SCLT1: variants seen among roughly 807,000 people sequenced by gnomAD.
SCLT1 encodes the protein sodium channel-associated protein 1.
Under a neutral mutation model 112.8 loss-of-function variants are expected in SCLT1, and 78 were observed. The ratio of observed to expected loss-of-function variants is 0.69; its 90% CI spans 0.58 to 0.83. The LOEUF (loss-of-function observed/expected upper bound fraction) is 0.83. SCLT1 is among the 40% of genes least tolerant of loss of function. The probability of loss-of-function intolerance (pLI) is 0.00; values close to 1 mark genes in which losing one functional copy is unlikely to be tolerated. For synonymous variants in SCLT1, 257 were observed against 254.7 expected (o/e 1.01, Z -0.09); for missense variants, 747 against 770.4 (o/e 0.97, Z 0.36).
At position 129,043,992 on chromosome 4, in the gene SCLT1, C is replaced by T. The variant is rs1747945684; in HGVS notation, c.161+1G>A. 2 of 1,453,836 alleles carry T rather than the reference C, an allele frequency of 1.4e-6. No individual in the cohort carries two copies. Among genetic ancestry groups the T allele is most frequent in the Non-Finnish European group, 1.9e-6 (2 of 1,042,764 alleles). The allele number at this position is 1,453,836 out of a possible 1,614,324, so 90.1% of individuals were successfully genotyped here. A position where few individuals can be genotyped will look rare whatever the true frequency, so the allele number is the denominator to read the frequency against. On this transcript the variant is annotated splice_donor_variant, in intron 3 of 20. Coordinates refer to ENST00000281142, the MANE Select transcript of SCLT1 (RefSeq NM_144643.4). LOFTEE classifies it high-confidence loss of function. The stretch of plus-strand genomic sequence containing the variant: ...ATGATATTATTCTGGTAATACTTTA[C>T]CTTTGGTCAAATACTAGGTTTTCAA...
At chr4:129,059,141 C>T (rs1041865609) in intron 2 of SCLT1, among the ~76,000 whole-genome samples, 6 of 152,066 alleles carry the variant, frequency 3.9e-5, no homozygotes, top group African/African-American at 1.4e-4. Flanking sequence ...TATCTTTTCC[C>T]ATGCCTTCTC....
chr4:128,974,307 T>C, intron 9 of SCLT1, among the ~76,000 whole-genome samples: 1 of 152,020 alleles, frequency 6.6e-6, no homozygotes, highest in East Asian at 1.9e-4. Flanking sequence ...TATGATGTGC[T>C]GTTTAAAGTA....
At chr4:128,959,531 T>C in intron 12 of SCLT1, 69 bp downstream of exon 12, 2 of 1,135,686 alleles carry the variant, frequency 1.8e-6, no homozygotes, top group East Asian at 2.3e-5. Flanking sequence ...TTGAATCCCT[T>C]ACTGTGAGGT....
chr4:128,981,110 G>A (rs1397720453), intron 9 of SCLT1, among the ~76,000 whole-genome samples: 6 of 152,034 alleles, frequency 3.9e-5, no homozygotes, highest in African/African-American at 1.4e-4. Context: ...CGCCTTCCAG[G>A]GGCTCAAAGA....
intron 2 of SCLT1, among the ~76,000 whole-genome samples, chr4:129,065,801 A>T (rs1438632155): frequency 3.3e-5 from 5 of 152,142 alleles, no homozygotes; most frequent in Non-Finnish European, 5.9e-5. Flanking sequence ...AAGTATTTCA[A>T]GTGTGAATTC....
chr4:129,049,880 C>T (rs1285953542), intron 2 of SCLT1, among the ~76,000 whole-genome samples: 1 of 152,126 alleles, frequency 6.6e-6, no homozygotes, highest in Admixed American at 6.5e-5. Context: ...CTAATGCTCT[C>T]CTTCCCCTTA....
chr4:129,040,848 T>A (rs1747635141), intron 4 of SCLT1, among the ~76,000 whole-genome samples: 1 of 152,150 alleles, frequency 6.6e-6, no homozygotes, highest in East Asian at 1.9e-4. Context: ...GTCAACATTT[T>A]TTTTTCTCTA....
At chr4:128,985,888 A>AT (rs1742049393) in intron 9 of SCLT1, among the ~76,000 whole-genome samples, 1 of 152,152 alleles carries the variant, frequency 6.6e-6, no homozygotes, top group Non-Finnish European at 1.5e-5. Context: ...CTAAATCTCG[A>AT]TTAAGAAATA....
chr4:129,072,185 T>C (rs770584059), intron 2 of SCLT1, among the ~76,000 whole-genome samples: 6 of 152,170 alleles, frequency 3.9e-5, no homozygotes, highest in South Asian at 4.1e-4. Flanking sequence ...GCTGCTAATA[T>C]AACAGGTTTT....
At chr4:128,931,952 T>C (rs1736808881) in intron 18 of SCLT1, among the ~76,000 whole-genome samples, 1 of 151,926 alleles carries the variant, frequency 6.6e-6, no homozygotes, top group South Asian at 2.1e-4. Context: ...CTATCCCTTT[T>C]TTTTTTTTTA....
rs140690541 is a variant in SCLT1, at chr4:129,029,071, T to C, written c.290+9970A>G. 1.1e-4 allele frequency among the ~76,000 whole-genome samples: 16 copies of C among 152,296 alleles called. 1 individual carries two copies. The South Asian group carries it at 3.3e-3, about 32-fold the overall frequency. ...CGGAGAAATAGGAACACTTTTACACTGTTGGTGGGACTGTAAAGTAGTTCA... is the reference window on the plus strand; with the variant it reads ...CGGAGAAATAGGAACACTTTTACACCGTTGGTGGGACTGTAAAGTAGTTCA... On this transcript the variant is annotated intron_variant, in intron 5 of 20. Transcript: ENST00000281142.
chr4:129,016,061 T>G (rs1256602046), intron 5 of SCLT1, among the ~76,000 whole-genome samples: 1 of 152,224 alleles, frequency 6.6e-6, no homozygotes. Flanking sequence ...TCCATTGTAT[T>G]TTTTCAGTTC....
At chr4:128,898,305 G>A (rs1226401946) in intron 18 of SCLT1, among the ~76,000 whole-genome samples, 1 of 152,194 alleles carries the variant, frequency 6.6e-6, no homozygotes, top group East Asian at 1.9e-4. Flanking sequence ...TAAAAGAGCA[G>A]AAATTATAAC....
At chr4:128,982,439 T>C (rs1741740288) in intron 9 of SCLT1, among the ~76,000 whole-genome samples, 1 of 152,182 alleles carries the variant, frequency 6.6e-6, no homozygotes, top group African/African-American at 2.4e-5. Context: ...ATTGGACAAA[T>C]TATAGGCTCC....
intron 9 of SCLT1, among the ~76,000 whole-genome samples, 179 bp downstream of exon 9, chr4:128,991,988 C>T (rs1004562952): frequency 1.3e-5 from 2 of 151,710 alleles, no homozygotes; most frequent in African/African-American, 4.8e-5. Flanking sequence ...ACAGTTATCT[C>T]CTAATAATCT....
intron 2 of SCLT1, among the ~76,000 whole-genome samples, chr4:129,080,865 C>T (rs1458788233): frequency 6.6e-6 from 1 of 152,162 alleles, no homozygotes; most frequent in Admixed American, 6.5e-5. Flanking sequence ...GCTCATAGTT[C>T]TGCAGTCTGT....
At chr4:129,040,583 G>A (rs775102405) in intron 4 of SCLT1, among the ~76,000 whole-genome samples, 1 of 152,060 alleles carries the variant, frequency 6.6e-6, no homozygotes, top group Non-Finnish European at 1.5e-5. Flanking sequence ...GGATTGTAAC[G>A]CTCTCACTAT....
At chr4:129,075,899 C>T (rs1205531298) in intron 2 of SCLT1, among the ~76,000 whole-genome samples, 5 of 152,146 alleles carry the variant, frequency 3.3e-5, no homozygotes, top group Non-Finnish European at 7.4e-5. Flanking sequence ...TTGGCACAAA[C>T]TCCTATACAT....
In SCLT1 at chr4:128,946,008, C is replaced by T. The variant is rs746688024; in HGVS notation, c.1438G>A (p.Asp480Asn). Reference sequence around the variant, plus strand: ...AGAAAATCCAAAAGAAAAACTTACTCAGTTTCAAGTTGTTTTATTCTATTT... The same window carrying T: ...AGAAAATCCAAAAGAAAAACTTACTTAGTTTCAAGTTGTTTTATTCTATTT... ...AENRIKQLET[D>N]SSEEISRYQE... The change falls in exon 16 of 21, where the codon GAC (aspartate) becomes AAC (asparagine). Residue 480 changes from aspartate (D) to asparagine (N), a missense_variant and splice_region_variant. Asp to Asn is a conservative substitution (Grantham distance 23). Coordinates refer to ENST00000281142, the MANE Select transcript of SCLT1 (RefSeq NM_144643.4). 9.4e-6 allele frequency: 15 copies of T among 1,594,180 alleles called. No individual in the cohort carries two copies. The South Asian group carries it at 1.6e-4, about 17-fold the overall frequency.
Sources: allele counts gnomAD v4.1 joint callset (sites outside exome capture counted in the v4.1 genomes callset), GRCh38; gene constraint gnomAD v4.1.1; transcripts MANE v1.5; gene names NCBI Gene and HGNC (gene_info 2026-07-23, HGNC 2026-07-21).